LRRC4C: variants seen among roughly 807,000 people sequenced by gnomAD.
LRRC4C encodes the protein leucine-rich repeat-containing protein 4C.
In LRRC4C, 5 loss-of-function variants were observed where a neutral mutation model predicts 33.6. The ratio of observed to expected loss-of-function variants is 0.15; its 90% CI spans 0.08 to 0.31. The LOEUF is 0.31. Among genes scored for constraint, LRRC4C ranks in the 10% least tolerant of loss-of-function variants. LRRC4C has a pLI of 1.00. For missense variants in LRRC4C, 560 were observed against 796.7 expected (o/e 0.70, Z 3.58); for synonymous variants, 329 against 302.0 (o/e 1.09, Z -0.93).
At chr11:41,287,603 A>G (rs996714472) in intron 1 of LRRC4C, among the ~76,000 whole-genome samples, 3 of 152,180 alleles carry the variant, frequency 2.0e-5, no homozygotes, top group African/African-American at 7.2e-5. Flanking sequence ...AAGTACCTAG[A>G]AGCTATTTTC....
At chr11:41,342,573 G>A (rs1951676278) in intron 1 of LRRC4C, among the ~76,000 whole-genome samples, 1 of 152,004 alleles carries the variant, frequency 6.6e-6, no homozygotes, top group African/African-American at 2.4e-5. Flanking sequence ...ACATTAGCCG[G>A]GTGTGGTGGT....
intron 2 of LRRC4C, among the ~76,000 whole-genome samples, chr11:40,914,004 G>T (rs1956822547): frequency 6.6e-6 from 1 of 152,102 alleles, no homozygotes; most frequent in Non-Finnish European, 1.5e-5. Context: ...ACAGGAAGAA[G>T]CTGACTATCT....
intron 1 of LRRC4C, among the ~76,000 whole-genome samples, chr11:41,415,655 C>T (rs562491578): frequency 9.9e-5 from 15 of 152,102 alleles, no homozygotes; most frequent in South Asian, 6.2e-4. Flanking sequence ...AGAGCAGCAA[C>T]GTTTTAATTC....
chr11:40,439,357 T>G (rs989705654), intron 3 of LRRC4C, among the ~76,000 whole-genome samples: 2 of 152,230 alleles, frequency 1.3e-5, no homozygotes, highest in South Asian at 2.1e-4. Flanking sequence ...ACTGGTCTCC[T>G]TATTTATAAA....
chr11:40,607,017 C>T (rs572446339), intron 3 of LRRC4C, among the ~76,000 whole-genome samples: 3 of 152,116 alleles, frequency 2.0e-5, no homozygotes, highest in Non-Finnish European at 2.9e-5. Flanking sequence ...GTGAATTTCT[C>T]ATCAGAAACT....
chr11:40,134,056 G>C (rs887873208), intron 6 of LRRC4C, among the ~76,000 whole-genome samples: 1 of 152,202 alleles, frequency 6.6e-6, no homozygotes, highest in South Asian at 2.1e-4. Flanking sequence ...TATTATAGCA[G>C]CACACAATAA....
chr11:41,091,085 C>G (rs1055591463), intron 1 of LRRC4C, among the ~76,000 whole-genome samples: 6 of 152,028 alleles, frequency 3.9e-5, no homozygotes, highest in African/African-American at 1.4e-4. Flanking sequence ...GCACACTGGT[C>G]AACTTTAGAC....
intron 1 of LRRC4C, among the ~76,000 whole-genome samples, chr11:41,083,920 G>A (rs1184331953): frequency 2.6e-5 from 4 of 152,218 alleles, no homozygotes; most frequent in African/African-American, 9.6e-5. Flanking sequence ...GTTCCTTGAT[G>A]TCACATGCTT....
At chr11:40,892,110 G>C (rs1420186268) in intron 2 of LRRC4C, among the ~76,000 whole-genome samples, 1 of 148,546 alleles carries the variant, frequency 6.7e-6, no homozygotes, top group Non-Finnish European at 1.5e-5. Context: ...ACTCCAGCCT[G>C]GGCGACAGTG....
intron 1 of LRRC4C, among the ~76,000 whole-genome samples, chr11:41,352,067 G>A (rs575451833): frequency 6.6e-6 from 1 of 152,262 alleles, no homozygotes; most frequent in South Asian, 2.1e-4. Context: ...AAGGCATAGA[G>A]TGACAAGTTG....
chr11:40,983,430 A>G (rs1397356653), intron 1 of LRRC4C, among the ~76,000 whole-genome samples: 1 of 152,228 alleles, frequency 6.6e-6, no homozygotes, highest in Non-Finnish European at 1.5e-5. Context: ...CAACCTAGGC[A>G]ATACCAGTCA....
At chr11:40,277,749 T>C (rs1033837479) in intron 4 of LRRC4C, among the ~76,000 whole-genome samples, 27 of 152,108 alleles carry the variant, frequency 1.8e-4, no homozygotes, top group African/African-American at 6.3e-4. Context: ...GGGTGCTTAC[T>C]GCTTATTTGC....
chr11:40,329,210 G>T (rs938708640), intron 3 of LRRC4C, among the ~76,000 whole-genome samples: 7 of 152,306 alleles, frequency 4.6e-5, no homozygotes, highest in African/African-American at 1.7e-4. Context: ...GTAAAGAGCT[G>T]GGTGCAACAT....
intron 5 of LRRC4C, among the ~76,000 whole-genome samples, chr11:40,193,436 A>G (rs1862008513): frequency 6.6e-6 from 1 of 152,176 alleles, no homozygotes; most frequent in Non-Finnish European, 1.5e-5. Flanking sequence ...ACCATGCAAA[A>G]ACCCTATTCG....
chr11:40,935,463 G>T (rs1422784319), intron 1 of LRRC4C, among the ~76,000 whole-genome samples: 1 of 152,022 alleles, frequency 6.6e-6, no homozygotes, highest in Non-Finnish European at 1.5e-5. Flanking sequence ...GGTCTCATAA[G>T]ATTATAATGT....
intron 4 of LRRC4C, among the ~76,000 whole-genome samples, chr11:40,291,915 C>T (rs1303814507): frequency 6.6e-6 from 1 of 151,166 alleles, no homozygotes; most frequent in Non-Finnish European, 1.5e-5. Context: ...GACACTGCAG[C>T]GGCTTTCTTG....
intron 4 of LRRC4C, among the ~76,000 whole-genome samples, chr11:40,307,013 T>TCTCTATCTAC (rs1257367452): frequency 6.7e-6 from 1 of 150,270 alleles, no homozygotes; most frequent in Non-Finnish European, 1.5e-5. Flanking sequence ...TATCTATCTA[T>TCTCTATCTAC]CTAATATCTA....
intron 1 of LRRC4C, among the ~76,000 whole-genome samples, chr11:41,185,558 G>A (rs1044801029): frequency 6.6e-5 from 10 of 152,104 alleles, no homozygotes; most frequent in South Asian, 2.1e-4. Flanking sequence ...ATTTCAATGC[G>A]GTCAACTGAG....
intron 1 of LRRC4C, among the ~76,000 whole-genome samples, chr11:41,228,939 T>G (rs1947662015): frequency 6.6e-6 from 1 of 152,124 alleles, no homozygotes; most frequent in African/African-American, 2.4e-5. Context: ...ATTTTTTTCT[T>G]TTATCTATTT....
Sources: allele counts gnomAD v4.1 joint callset (sites outside exome capture counted in the v4.1 genomes callset), GRCh38; gene constraint gnomAD v4.1.1; transcripts MANE v1.5; gene names NCBI Gene and HGNC (gene_info 2026-07-23, HGNC 2026-07-21).